The following LIPT1 variants were observed in gnomAD, a reference collection of about 807,000 sequenced individuals.
LIPT1 encodes the protein lipoyl amidotransferase LIPT1, mitochondrial.
A neutral mutation model predicts 25.1 loss-of-function variants in LIPT1; 22 were observed. The observed-to-expected ratio is 0.88, with a 90% CI of 0.63 to 1.25. The LOEUF is 1.25. Among genes scored for constraint, LIPT1 ranks in the 50% most tolerant of loss-of-function variants. The pLI, the probability that LIPT1 is intolerant of heterozygous loss-of-function variation, is 0.00. For synonymous variants in LIPT1, 131 were observed against 150.8 expected, an observed-to-expected ratio of 0.87 and a Z score of 0.96; for missense variants, 399 against 432.8, an observed-to-expected ratio of 0.92 and a Z score of 0.69.
intron 1 of LIPT1, among the ~76,000 whole-genome samples, chr2:99,161,002 G>A (rs2093782790): frequency 1.3e-5 from 2 of 151,814 alleles, no homozygotes; most frequent in Non-Finnish European, 2.9e-5. Flanking sequence ...GGTGGCTCAT[G>A]CCTGTAATCC....
chr2:99,156,295 T>TA (rs2093752521), intron 1 of LIPT1: 1 of 152,184 alleles, frequency 6.6e-6, no homozygotes, highest in South Asian at 2.1e-4. Context: ...CATTTTTTTT[T>TA]AATAGACTGA....
chr2:99,158,852 G>C (rs886641861), intron 1 of LIPT1, among the ~76,000 whole-genome samples: 46 of 152,150 alleles, frequency 3.0e-4, no homozygotes, highest in African/African-American at 1.1e-3. Flanking sequence ...TTTAATTATT[G>C]CCTTACTTGT....
chr2:99,162,708 A>G lies in LIPT1; in HGVS notation c.751A>G (p.Thr251Ala), dbSNP rs748138835. The G allele has an allele frequency of 3.1e-6, 5 of 1,614,170 alleles. No individual in the cohort carries two copies. The South Asian group carries it at 4.4e-5, about 14-fold the overall frequency. ...IDNHIHLINP[T>A]DETLFPGINS... ...TAATCACATTCACCTAATAAACCCA[A>G]CGGATGAGACACTGTTTCCTGGAAT... is the stretch of plus-strand genomic sequence containing the variant. Residue 251 changes from threonine to alanine, a missense_variant, in exon 2 of 2, where the codon ACG (threonine) becomes GCG (alanine). By Grantham distance (58) the Thr-to-Ala change is moderately conservative. Coordinates refer to ENST00000651691, the MANE Select transcript of LIPT1 (RefSeq NM_145199.3).
In LIPT1 at chr2:99,162,258, A is replaced by G. The variant is rs769008745; in HGVS notation, c.301A>G (p.Ser101Gly). The change falls in exon 2 of 2, where the codon AGT becomes GGT. Residue 101 changes from serine (S) to glycine (G), a missense_variant. By Grantham distance (56) the Ser-to-Gly change is moderately conservative. Transcript: ENST00000651691. ...AGGTATAAAACTGGCTCGGAGAAGA[A>G]GTGGAGGAGGAACAGTCTACCATGA... ...EEGIKLARRR[S>G]GGGTVYHDMG... 1.9e-6 allele frequency: 3 copies of G among 1,613,424 alleles called. No individual in the cohort carries two copies. In the South Asian group the frequency reaches 3.3e-5, roughly 18 times the overall value.
rs2093809352 is a variant in LIPT1 at position 99,163,012 on chromosome 2, G to C, written c.1055G>C (p.Cys352Ser). Residue 352 changes from cysteine to serine, a missense_variant, in exon 2 of 2, where the codon TGT (cysteine) becomes TCT (serine). By Grantham distance (112) the Cys-to-Ser change is moderately radical. Transcript: ENST00000651691. ...CTAACAAATATATTACTTAGAACAT[G>C]TCCACAAGACCACAAACTAAACAGT... is the stretch of plus-strand genomic sequence containing the variant. ...TMLTNILLRT[C>S]PQDHKLNSKW... 6.2e-7 allele frequency: 1 copy of C among 1,607,638 alleles called. No homozygotes were observed. Among genetic ancestry groups the C allele is most frequent in the African/African-American group, 1.3e-5 (1 of 74,550 alleles).
chr2:99,156,461 A>C (rs2093755057), intron 1 of LIPT1: 1 of 152,216 alleles, frequency 6.6e-6, no homozygotes, highest in Non-Finnish European at 1.5e-5. Flanking sequence ...ACGGGGTTTC[A>C]CCATGTTGGC....
In LIPT1 at chr2:99,154,999, C is replaced by T. The variant is rs1052076433; in HGVS notation, c.-54C>T. On this transcript the variant is annotated 5_prime_UTR_variant, in exon 1 of 2. Coordinates refer to ENST00000651691, the MANE Select transcript of LIPT1 (RefSeq NM_145199.3). ...GCCGGTTGCTCGGGGTCGTATGACG[C>T]ACTTTTCCAGCTCGAGCCCTCACGA... 2.2e-5 allele frequency: 10 copies of T among 455,888 alleles called. No homozygotes were observed. The highest frequency in any genetic ancestry group is 4.4e-5 in the Non-Finnish European group (10 of 226,772). 28.2% of individuals were successfully genotyped at this position (455,888 alleles called of 1,614,324 possible). A position where few individuals can be genotyped will look rare whatever the true frequency, so the allele number is the denominator to read the frequency against.
intron 1 of LIPT1, among the ~76,000 whole-genome samples, chr2:99,155,879 T>C (rs142300900): frequency 2.6e-5 from 4 of 152,348 alleles, no homozygotes; most frequent in Non-Finnish European, 5.9e-5. Flanking sequence ...GTTCATATCA[T>C]GTAACTCAGT....
At chr2:99,155,199 CT>C (rs1216006023) in intron 1 of LIPT1, 148 bp downstream of exon 1, 11 of 390,656 alleles carry the variant, frequency 2.8e-5, no homozygotes, top group South Asian at 1.8e-4. Flanking sequence ...TGTGTGCACA[CT>C]TTCTCCTCAG....
chr2:99,157,211 T>C (rs2093761640), intron 1 of LIPT1, among the ~76,000 whole-genome samples: 1 of 152,182 alleles, frequency 6.6e-6, no homozygotes, highest in Admixed American at 6.5e-5. Flanking sequence ...GGAAAAGATA[T>C]TTCACAAGAT....
At position 99,162,945 on chromosome 2, in the gene LIPT1, A is replaced by C. The variant is rs561840572; in HGVS notation, c.988A>C (p.Ser330Arg). The change falls in exon 2 of 2, where the codon AGT becomes CGT. Residue 330 changes from serine to arginine, a missense_variant. Coordinates refer to ENST00000651691, the MANE Select transcript of LIPT1 (RefSeq NM_145199.3). ...GGAAATACGTGACAAATTAAATTCA[A>C]GTCTTATTGGCAGTAAGTTTTGCCC... Reference protein sequence around the residue: ...PLEIRDKLNSSLIGSKFCPTE... With the variant: ...PLEIRDKLNSRLIGSKFCPTE... 1.7e-5 allele frequency: 27 copies of C among 1,614,014 alleles called. No individual in the cohort carries two copies. The South Asian group carries it at 2.7e-4, about 16-fold the overall frequency.
In LIPT1 at chr2:99,162,853, TC is replaced by T; in HGVS notation, c.897del (p.Phe299LeufsTer2). The T allele has an allele frequency of 6.2e-7, 1 of 1,613,310 alleles. No individual in the cohort carries two copies. The highest frequency in any genetic ancestry group is 8.5e-7 in the Non-Finnish European group (1 of 1,179,422). Reference protein sequence around the residue: ...YEQSHLEIKVFIDIKNGRIEI... With the variant: ...YEQSHLEIKVXIDIKNGRIEI... The stretch of plus-strand genomic sequence containing the variant: ...CAGTCACACTTGGAAATTAAAGTAT[TC>T]ATAGACATAAAGAATGGAAGAATTG... On this transcript the variant is annotated frameshift_variant, in exon 2 of 2. Transcript: ENST00000651691. LOFTEE classifies it high-confidence loss of function.
rs571174103 is a variant in LIPT1, at chr2:99,155,945, C to T, written c.-2+894C>T. 3.9e-5 allele frequency among the ~76,000 whole-genome samples: 6 copies of T among 152,338 alleles called. No individual in the cohort carries two copies. In the East Asian group the frequency reaches 9.6e-4, roughly 24 times the overall value. On this transcript the variant is annotated intron_variant, in intron 1 of 1. Coordinates refer to ENST00000651691, the MANE Select transcript of LIPT1 (RefSeq NM_145199.3). ...CTTAAGAGTTGGCTTGTCACCAGACCTACAGTGAATAATTGCACAGGCTCA... is the reference window on the plus strand; with the variant it reads ...CTTAAGAGTTGGCTTGTCACCAGACTTACAGTGAATAATTGCACAGGCTCA...
At chr2:99,157,580 A>G (rs1227695383) in intron 1 of LIPT1, among the ~76,000 whole-genome samples, 1 of 152,208 alleles carries the variant, frequency 6.6e-6, no homozygotes, top group East Asian at 1.9e-4. Context: ...ACTGTTTAAT[A>G]GATCCTTTTC....
Position 99,155,118 on chromosome 2 carries a change from C to T in LIPT1, c.-2+67C>T, listed in dbSNP as rs56824332. The T allele has an allele frequency of 5.6e-3, 2,533 of 450,498 alleles. 45 individuals carry two copies. The highest frequency in any genetic ancestry group is 0.043 in the African/African-American group (2,154 of 50,050). 27.9% of individuals were successfully genotyped at this position (450,498 alleles called of 1,614,324 possible). A position where few individuals can be genotyped will look rare whatever the true frequency, so the allele number is the denominator to read the frequency against. On this transcript the variant is annotated intron_variant, in intron 1 of 1. Coordinates refer to ENST00000651691, the MANE Select transcript of LIPT1 (RefSeq NM_145199.3). ...CGTAGCGCGTGGGCGGCCGTGGGGT[C>T]TTGGGCGCGCGCGGTGTTTCTGGCG...
At chr2:99,157,605 T>G (rs149617016) in intron 1 of LIPT1, among the ~76,000 whole-genome samples, 192 of 152,348 alleles carry the variant, frequency 1.3e-3, no homozygotes, top group African/African-American at 4.4e-3. Context: ...CTCATCTTAT[T>G]TGCTCAATCT....
rs1309983079 is a variant in LIPT1 at position 99,163,066 on chromosome 2, A to G, written c.1109A>G (p.Lys370Arg). The G allele has an allele frequency of 1.3e-6, 2 of 1,554,266 alleles. No homozygotes were observed. Among genetic ancestry groups the G allele is most frequent in the East Asian group, 4.5e-5 (2 of 44,246 alleles). Reference sequence around the variant, plus strand: ...TGGAATATTCTCTGTGAAAAAATTAAGGGAATAATGTGATTCCAAGTAAAT... The same window carrying G: ...TGGAATATTCTCTGTGAAAAAATTAGGGGAATAATGTGATTCCAAGTAAAT... ...SKWNILCEKI[K>R]GIM Residue 370 changes from lysine to arginine, a missense_variant, in exon 2 of 2, where the codon AAG becomes AGG. By Grantham distance (26) the Lys-to-Arg change is conservative. Transcript: ENST00000651691.
At position 99,163,127 on chromosome 2, in the gene LIPT1, TC is replaced by T. The variant is rs765564362; in HGVS notation, c.*49del. The T allele has an allele frequency of 4.6e-6, 6 of 1,302,754 alleles. No homozygotes were observed. The South Asian group carries it at 1.1e-4, about 24-fold the overall frequency. The allele number at this position is 1,302,754 out of a possible 1,614,324, so 80.7% of individuals were successfully genotyped here. A position where few individuals can be genotyped will look rare whatever the true frequency, so the allele number is the denominator to read the frequency against. On this transcript the variant is annotated 3_prime_UTR_variant, in exon 2 of 2. Transcript: ENST00000651691. The stretch of plus-strand genomic sequence containing the variant: ...AGTTTCAATTAGAAAATAAAATGTC[TC>T]ATACTTGCACATTGTATGTCAAAAA...
At chr2:99,158,722 T>G (rs147851933) in intron 1 of LIPT1, among the ~76,000 whole-genome samples, 15 of 152,344 alleles carry the variant, frequency 9.8e-5, no homozygotes, top group Non-Finnish European at 1.8e-4. Context: ...TGTTGCACAT[T>G]GTTAGAATTC....
Sources: allele counts gnomAD v4.1 joint callset (sites outside exome capture counted in the v4.1 genomes callset), GRCh38; gene constraint gnomAD v4.1.1; transcripts MANE v1.5; gene names NCBI Gene and HGNC (gene_info 2026-07-23, HGNC 2026-07-21).